COG6: variants seen among roughly 807,000 people sequenced by gnomAD.
The protein encoded by COG6 is conserved oligomeric Golgi complex subunit 6.
A neutral mutation model predicts 88.8 loss-of-function variants in COG6; 74 were observed. The ratio of observed to expected loss-of-function variants is 0.83; its 90% CI spans 0.69 to 1.01. The LOEUF (loss-of-function observed/expected upper bound fraction) is 1.01. Among genes scored for constraint, COG6 ranks in the 50% least tolerant of loss-of-function variants. The pLI, the probability that COG6 is intolerant of heterozygous loss-of-function variation, is 0.00. For synonymous variants in COG6, 286 were observed against 278.7 expected (o/e 1.03, Z -0.26); for missense variants, 800 against 797.9 (o/e 1.00, Z -0.03).
intron 11 of COG6, among the ~76,000 whole-genome samples, chr13:39,693,400 G>A (rs1010150660): frequency 5.9e-5 from 9 of 151,876 alleles, no homozygotes; most frequent in African/African-American, 9.6e-5. Flanking sequence ...GCAGCTGGCC[G>A]GATAGCTGAG....
chr13:39,787,829 T>G (rs999830840), intron 18 of COG6, among the ~76,000 whole-genome samples: 2 of 152,214 alleles, frequency 1.3e-5, no homozygotes, highest in African/African-American at 4.8e-5. Flanking sequence ...TTTAAAGTAT[T>G]CGGGAAGATG....
chr13:39,717,578 G>A (rs532648894), intron 13 of COG6, among the ~76,000 whole-genome samples: 3 of 152,032 alleles, frequency 2.0e-5, no homozygotes, highest in African/African-American at 2.4e-5. Flanking sequence ...GCTCAAATCT[G>A]CTGTAAGGCC....
chr13:39,787,025 C>T (rs1881792714), intron 18 of COG6, among the ~76,000 whole-genome samples: 2 of 152,154 alleles, frequency 1.3e-5, no homozygotes, highest in African/African-American at 4.8e-5. Context: ...GAGAAATTTA[C>T]AGATGGGAAA....
chr13:39,706,215 T>TA lies in COG6; in HGVS notation c.1284+6597_1284+6598insA, dbSNP rs1877886444. On this transcript the variant is annotated intron_variant, in intron 13 of 18. Transcript: ENST00000455146. The stretch of plus-strand genomic sequence containing the variant: ...ACACTTCTTTTATATATATACTCCT[T>TA]TATATATATATATACTCCTTTATAT... Among the ~76,000 whole-genome samples, 10 of 126,728 alleles carry TA rather than the reference T, an allele frequency of 7.9e-5. No individual in the cohort carries two copies. In the East Asian group the frequency reaches 1.9e-3, roughly 24 times the overall value. The allele number at this position is 126,728 out of a possible 152,430, so 83.1% of individuals were successfully genotyped here.
intron 18 of COG6, among the ~76,000 whole-genome samples, chr13:39,767,150 T>C (rs1001735863): frequency 1.3e-4 from 20 of 152,196 alleles, no homozygotes; most frequent in African/African-American, 4.3e-4. Context: ...ACTCTGCATA[T>C]TTTGGGTCTT....
At chr13:39,779,070 A>C (rs1881552423) in intron 18 of COG6, among the ~76,000 whole-genome samples, 1 of 152,216 alleles carries the variant, frequency 6.6e-6, no homozygotes, top group Admixed American at 6.5e-5. Flanking sequence ...AAAAATTTGC[A>C]TGCTACTGTA....
At chr13:39,789,134 C>G (rs1383370488) in exon 19 of COG6, 1 of 152,178 alleles carries the variant, frequency 6.6e-6, no homozygotes, top group East Asian at 1.9e-4. Context: ...CATCTGCACT[C>G]AGACCACTCA....
chr13:39,736,941 G>T (rs1034506417), intron 18 of COG6, among the ~76,000 whole-genome samples: 1 of 152,126 alleles, frequency 6.6e-6, no homozygotes, highest in African/African-American at 2.4e-5. Context: ...CATAGTCTGG[G>T]CCTTGTACCT....
chr13:39,687,475 C>A, intron 8 of COG6, 28 bp from the exon 9 acceptor site: 1 of 1,606,210 alleles, frequency 6.2e-7, no homozygotes, highest in Non-Finnish European at 8.5e-7. Flanking sequence ...CAACCCCAAC[C>A]ATTTTTTATA....
chr13:39,754,551 A>G (rs986690409), downstream of COG6, among the ~76,000 whole-genome samples: 1 of 152,186 alleles, frequency 6.6e-6, no homozygotes, highest in African/African-American at 2.4e-5. Flanking sequence ...AAAATTTTTC[A>G]TATATGTTAC....
At chr13:39,702,318 A>T (rs1877625441) in intron 13 of COG6, among the ~76,000 whole-genome samples, 1 of 151,990 alleles carries the variant, frequency 6.6e-6, no homozygotes. Flanking sequence ...TAGGTAGTAT[A>T]ACACCGACAT....
Position 39,715,564 on chromosome 13 carries a change from A to G in COG6, c.1285-3672A>G, listed in dbSNP as rs563530587. Reference sequence around the variant, plus strand: ...ATCTTTCTGATTTGTTCTAAGCTAAAGATTCCACTGAAAAAAATTTGAGTA... The same window carrying G: ...ATCTTTCTGATTTGTTCTAAGCTAAGGATTCCACTGAAAAAAATTTGAGTA... On this transcript the variant is annotated intron_variant, in intron 13 of 18. Transcript: ENST00000455146. Among the ~76,000 whole-genome samples, 5 of 152,276 alleles carry G rather than the reference A, an allele frequency of 3.3e-5. No individual in the cohort carries two copies. The East Asian group carries it at 9.6e-4, about 29-fold the overall frequency.
At chr13:39,711,679 A>G (rs1025017882) in intron 13 of COG6, among the ~76,000 whole-genome samples, 2 of 152,240 alleles carry the variant, frequency 1.3e-5, no homozygotes, top group South Asian at 4.1e-4. Context: ...TGAAGATCAC[A>G]TGTAAAATAC....
intron 17 of COG6, among the ~76,000 whole-genome samples, chr13:39,726,937 T>A (rs1329933515): frequency 6.6e-6 from 1 of 151,982 alleles, no homozygotes; most frequent in Non-Finnish European, 1.5e-5. Flanking sequence ...CTTAATAGCA[T>A]TTAACAAAAT....
chr13:39,738,076 T>A (rs1375343794), intron 18 of COG6, among the ~76,000 whole-genome samples: 1 of 152,154 alleles, frequency 6.6e-6, no homozygotes, highest in East Asian at 1.9e-4. Flanking sequence ...ATCTTTCTTA[T>A]CCTCTTTAGT....
At chr13:39,682,364 A>G in intron 8 of COG6, 100 bp downstream of exon 8, 2 of 704,448 alleles carry the variant, frequency 2.8e-6, no homozygotes, top group Non-Finnish European at 5.0e-6. Flanking sequence ...TAGTTTGAGT[A>G]ATATTTATAA....
chr13:39,680,018 T>A lies in COG6; in HGVS notation c.667T>A (p.Tyr223Asn). 1 of 1,589,542 alleles carries A rather than the reference T, an allele frequency of 6.3e-7. No homozygotes were observed. Among genetic ancestry groups the A allele is most frequent in the Non-Finnish European group, 8.6e-7 (1 of 1,159,180 alleles). ...GATGGCCTTACTTCAAGAAACGGCT[T>A]ATGAAAGACTTTACCGATGGGCTCA... is the stretch of plus-strand genomic sequence containing the variant. ...EQMALLQETAYERLYRWAQSE... is the reference protein window; with the variant it reads ...EQMALLQETANERLYRWAQSE... Residue 223 changes from tyrosine to asparagine, a missense_variant, in exon 7 of 19, where the codon TAT (tyrosine) becomes AAT (asparagine). Coordinates refer to ENST00000455146, the MANE Select transcript of COG6 (RefSeq NM_020751.3).
intron 18 of COG6, among the ~76,000 whole-genome samples, chr13:39,769,978 G>T (rs773962429): frequency 1.3e-5 from 2 of 152,198 alleles, no homozygotes; most frequent in African/African-American, 2.4e-5. Flanking sequence ...AAGGTATTTT[G>T]TTAAGCAGCC....
chr13:39,689,663 A>G (rs576384182), intron 10 of COG6, 97 bp from the exon 11 acceptor site: 11 of 738,200 alleles, frequency 1.5e-5, no homozygotes, highest in Non-Finnish European at 2.3e-5. Flanking sequence ...AGTGCCATTA[A>G]TTATATGTAT....
Sources: allele counts gnomAD v4.1 joint callset (sites outside exome capture counted in the v4.1 genomes callset), GRCh38; gene constraint gnomAD v4.1.1; transcripts MANE v1.5; gene names NCBI Gene and HGNC (gene_info 2026-07-23, HGNC 2026-07-21).